The following CAP2 variants were observed in gnomAD, a reference collection of about 807,000 sequenced individuals.
The protein encoded by CAP2 is adenylyl cyclase-associated protein 2.
Under a neutral mutation model 57.7 loss-of-function variants are expected in CAP2, and 24 were observed. The observed-to-expected ratio is 0.42, with a 90% CI of 0.30 to 0.58. The LOEUF is 0.58. Among genes scored for constraint, CAP2 ranks in the 20% least tolerant of loss-of-function variants. CAP2 has a pLI of 0.22. For missense variants in CAP2, 501 were observed against 590.3 expected (o/e 0.85, Z 1.57); for synonymous variants, 194 against 207.2 (o/e 0.94, Z 0.55).
chr6:17,399,341 GGAT>G (rs1406770432), intron 1 of CAP2, among the ~76,000 whole-genome samples: 5 of 152,158 alleles, frequency 3.3e-5, no homozygotes, highest in Non-Finnish European at 7.3e-5. Context: ...GGGATTATAG[GGAT>G]GAGCCACCAC....
chr6:17,541,741 C>T (rs886810846), intron 9 of CAP2, among the ~76,000 whole-genome samples: 5 of 152,064 alleles, frequency 3.3e-5, no homozygotes, highest in African/African-American at 9.7e-5. Context: ...ACTCTGCTGT[C>T]GAATTAGAAT....
Position 17,428,023 on chromosome 6 carries a change from G to A in CAP2, c.222+1333G>A, listed in dbSNP as rs116342126. On this transcript the variant is annotated intron_variant, in intron 3 of 12. Coordinates refer to ENST00000229922, the MANE Select transcript of CAP2 (RefSeq NM_006366.3). The stretch of plus-strand genomic sequence containing the variant: ...AATAGGAAATTGTTCAATGAGTACA[G>A]AGTTTCAGTTTTCCAAGATTAAGAA... Among the ~76,000 whole-genome samples, 676 of 152,310 alleles carry A rather than the reference G, an allele frequency of 4.4e-3. 8 individuals are homozygous for A. The highest frequency in any genetic ancestry group is 0.016 in the African/African-American group (646 of 41,568).
rs1010961503 is a variant in CAP2 at position 17,483,478 on chromosome 6, G to T, written c.300+20405G>T. On this transcript the variant is annotated intron_variant, in intron 4 of 12. Coordinates refer to ENST00000229922, the MANE Select transcript of CAP2 (RefSeq NM_006366.3). ...GGTGTGCATTTGGTCACACTCCAGGGAGACATACCCAGATTAGACCAACTC... is the reference window on the plus strand; with the variant it reads ...GGTGTGCATTTGGTCACACTCCAGGTAGACATACCCAGATTAGACCAACTC... Among the ~76,000 whole-genome samples the T allele has an allele frequency of 2.0e-5, 3 of 152,216 alleles. No homozygotes were observed. The East Asian group carries it at 5.8e-4, about 29-fold the overall frequency.
intron 7 of CAP2, among the ~76,000 whole-genome samples, chr6:17,518,812 A>T (rs1222154338): frequency 1.3e-5 from 2 of 151,658 alleles, no homozygotes; most frequent in African/African-American, 4.8e-5. Flanking sequence ...TAATTTTTTT[A>T]TTTTTTGTAG....
intron 1 of CAP2, among the ~76,000 whole-genome samples, chr6:17,410,934 T>G (rs764932218): frequency 2.8e-4 from 42 of 152,250 alleles, no homozygotes; most frequent in Non-Finnish European, 4.8e-4. Flanking sequence ...AAACCTTTTT[T>G]GAGTTATAAT....
At chr6:17,406,632 T>A (rs1758986774) in intron 1 of CAP2, among the ~76,000 whole-genome samples, 1 of 152,044 alleles carries the variant, frequency 6.6e-6, no homozygotes, top group South Asian at 2.1e-4. Context: ...GACTTCATGA[T>A]GTGCCTGCCT....
rs561026233 is a variant in CAP2 at position 17,525,560 on chromosome 6, G to A, written c.636+11606G>A. 2.6e-4 allele frequency among the ~76,000 whole-genome samples: 39 copies of A among 152,058 alleles called. 1 individual carries two copies. In the South Asian group the frequency reaches 3.1e-3, roughly 12 times the overall value. ...TGGAAGTTATCCTTCCATCCTCAGCGGCTGCATAGCACTTCTTATACTCTC... is the reference window on the plus strand; with the variant it reads ...TGGAAGTTATCCTTCCATCCTCAGCAGCTGCATAGCACTTCTTATACTCTC... On this transcript the variant is annotated intron_variant, in intron 7 of 12. Transcript: ENST00000229922.
intron 3 of CAP2, among the ~76,000 whole-genome samples, chr6:17,441,434 G>T (rs556796820): frequency 4.6e-5 from 7 of 151,648 alleles, no homozygotes; most frequent in African/African-American, 1.7e-4. Flanking sequence ...ACCATTGTAT[G>T]TACACAGTAC....
chr6:17,504,481 G>A (rs1238044320), intron 4 of CAP2, among the ~76,000 whole-genome samples: 9 of 152,168 alleles, frequency 5.9e-5, no homozygotes, highest in Non-Finnish European at 1.3e-4. Flanking sequence ...TGTATGTAGA[G>A]AACTAACCAT....
In CAP2 at chr6:17,513,242, G is replaced by A. The variant is rs1581585062; in HGVS notation, c.531-607G>A. On this transcript the variant is annotated intron_variant, in intron 6 of 12. Transcript: ENST00000229922. The surrounding 1 kb of genome is among the most constrained non-coding windows in gnomAD (Gnocchi z 4.3). ...TGCCTGGTTTGTATTGTCATTCAAA[G>A]TATTAAATTAAGGGAATTTAAGTAA... 6.6e-6 allele frequency among the ~76,000 whole-genome samples: 1 copy of A among 152,112 alleles called. No homozygotes were observed. Among genetic ancestry groups the A allele is most frequent in the Non-Finnish European group, 1.5e-5 (1 of 68,036 alleles).
At chr6:17,434,100 T>C (rs773546680) in intron 3 of CAP2, among the ~76,000 whole-genome samples, 8 of 152,198 alleles carry the variant, frequency 5.3e-5, no homozygotes, top group Non-Finnish European at 1.0e-4. Context: ...AAGGTTAAGA[T>C]GATAAGATGA....
At position 17,440,982 on chromosome 6, in the gene CAP2, G is replaced by A. The variant is rs545892147; in HGVS notation, c.222+14292G>A. Among the ~76,000 whole-genome samples, 15 of 151,200 alleles carry A rather than the reference G, an allele frequency of 9.9e-5. No homozygotes were observed. The East Asian group carries it at 1.2e-3, about 12-fold the overall frequency. ...GATGGTTTCCAGCTTCATCCGTGTC[G>A]CTACAAAGGACATGAACTCATCCTT... On this transcript the variant is annotated intron_variant, in intron 3 of 12. Transcript: ENST00000229922.
intron 4 of CAP2, among the ~76,000 whole-genome samples, chr6:17,487,420 A>C (rs1420601744): frequency 1.3e-5 from 2 of 152,076 alleles, no homozygotes; most frequent in East Asian, 1.9e-4. Flanking sequence ...TGTCTGGCTC[A>C]GCAGCCTCAT....
At chr6:17,525,940 T>A (rs1398359298) in intron 7 of CAP2, among the ~76,000 whole-genome samples, 7 of 152,124 alleles carry the variant, frequency 4.6e-5, no homozygotes, top group Non-Finnish European at 7.4e-5. Flanking sequence ...CAGTTCAGCC[T>A]GAGATCAGTA....
Position 17,426,600 on chromosome 6 carries a change from C to T in CAP2, c.132C>T (p.Pro44=). 1 of 1,613,410 alleles carries T rather than the reference C, an allele frequency of 6.2e-7. No individual in the cohort carries two copies. Among genetic ancestry groups the T allele is most frequent in the Admixed American group, 1.7e-5 (1 of 60,016 alleles). The part of the protein sequence containing the change: ...EVNGVIAGVA[P]SVEAFDKLMD... Reference sequence around the variant, plus strand: ...GCTCCTTTCCCCAAGGTGTGGCACCCTCCGTGGAAGCCTTTGACAAGCTGA... The same window carrying T: ...GCTCCTTTCCCCAAGGTGTGGCACCTTCCGTGGAAGCCTTTGACAAGCTGA... The change falls in exon 3 of 13, where the codon CCC becomes CCT. Residue 44 remains proline, a synonymous_variant. Transcript: ENST00000229922.
chr6:17,507,114 T>C, intron 4 of CAP2, 55 bp from the exon 5 acceptor site: 1 of 1,592,632 alleles, frequency 6.3e-7, no homozygotes, highest in South Asian at 1.1e-5. Context: ...TGGATAGAGG[T>C]GCTATGCGTC....
intron 11 of CAP2, among the ~76,000 whole-genome samples, chr6:17,549,682 C>T (rs1763127530): frequency 6.6e-6 from 1 of 152,144 alleles, no homozygotes; most frequent in African/African-American, 2.4e-5. Flanking sequence ...CCTTACTTTG[C>T]GTGGTGCTAG....
At chr6:17,403,553 C>G (rs1758870721) in intron 1 of CAP2, among the ~76,000 whole-genome samples, 1 of 152,124 alleles carries the variant, frequency 6.6e-6, no homozygotes, top group African/African-American at 2.4e-5. Flanking sequence ...GTGTTGTTTT[C>G]TAAGTCACAT....
intron 4 of CAP2, among the ~76,000 whole-genome samples, chr6:17,474,185 C>CTTTTT (rs544909381): frequency 1.5e-3 from 140 of 93,188 alleles, no homozygotes; most frequent in Non-Finnish European, 1.9e-3. Flanking sequence ...AAAAAACAGT[C>CTTTTT]TTTTTTTTTT....
Sources: allele counts gnomAD v4.1 joint callset (sites outside exome capture counted in the v4.1 genomes callset), GRCh38; gene constraint gnomAD v4.1.1; non-coding constraint Gnocchi (gnomAD v3.1); transcripts MANE v1.5; gene names NCBI Gene and HGNC (gene_info 2026-07-23, HGNC 2026-07-21).